PDGFRL: variants seen among roughly 807,000 people sequenced by gnomAD.
The protein encoded by PDGFRL is platelet-derived growth factor receptor-like protein.
PDGFRL carries 46 observed loss-of-function variants against 37.2 expected under a neutral mutation model. That is an observed-to-expected ratio of 1.24 (90% CI 0.98 to 1.58). PDGFRL has a LOEUF of 1.58. PDGFRL is among the 40% of genes most tolerant of loss of function. PDGFRL has a pLI of 0.00. For synonymous variants in PDGFRL, 251 were observed against 184.3 expected, an observed-to-expected ratio of 1.36 and a Z score of -2.93; for missense variants, 692 against 467.6, an observed-to-expected ratio of 1.48 and a Z score of -4.43.
At chr8:17,590,006 C>T (rs868229458) in intron 2 of PDGFRL, among the ~76,000 whole-genome samples, 10 of 151,346 alleles carry the variant, frequency 6.6e-5, no homozygotes, top group East Asian at 2.0e-4. Context: ...CCGAGGTGGG[C>T]GGATCACGAG....
At chr8:17,609,081 A>G (rs181636995) in intron 2 of PDGFRL, among the ~76,000 whole-genome samples, 39 of 152,284 alleles carry the variant, frequency 2.6e-4, no homozygotes, top group African/African-American at 8.9e-4. Context: ...TTTTAGCTGG[A>G]TATAGTGCTA....
chr8:17,606,894 G>GTTTTTTTTTT (rs1198809504), intron 2 of PDGFRL, among the ~76,000 whole-genome samples: 1 of 123,684 alleles, frequency 8.1e-6, no homozygotes, highest in Non-Finnish European at 1.7e-5. Context: ...TTGTTTTTTT[G>GTTTTTTTTTT]TTTTTTTTTT....
chr8:17,611,878 G>A (rs2588116), intron 2 of PDGFRL, among the ~76,000 whole-genome samples: 92,043 of 152,008 alleles, frequency 0.61, 28,106 homozygotes, highest in East Asian at 0.73. Context: ...AGTCAATGGT[G>A]ATAGCAGCCT....
chr8:17,604,350 G>A lies in PDGFRL; in HGVS notation c.353+14585G>A, dbSNP rs145178545. Among the ~76,000 whole-genome samples the A allele has an allele frequency of 6.6e-5, 10 of 152,222 alleles. No homozygotes were observed. The East Asian group carries it at 9.7e-4, about 15-fold the overall frequency. On this transcript the variant is annotated intron_variant, in intron 2 of 5. Coordinates refer to ENST00000251630, the MANE Select transcript of PDGFRL (RefSeq NM_001372073.1). ...GGAACCAACCTAAATATCCAACAGC[G>A]ATAGACTGGATTAAGAAAATGTGGC...
intron 1 of PDGFRL, among the ~76,000 whole-genome samples, chr8:17,579,349 G>A (rs1414383514): frequency 6.6e-6 from 1 of 152,008 alleles, no homozygotes; most frequent in East Asian, 1.9e-4. Flanking sequence ...GTTGTGAGTT[G>A]TGGCCAGGAG....
At chr8:17,630,774 A>G (rs1417793774) in intron 4 of PDGFRL, among the ~76,000 whole-genome samples, 1 of 152,186 alleles carries the variant, frequency 6.6e-6, no homozygotes, top group Non-Finnish European at 1.5e-5. Flanking sequence ...ATGGGAACAG[A>G]TAGTGACTCC....
chr8:17,642,697 AT>A lies in PDGFRL; in HGVS notation c.1026del (p.Thr343GlnfsTer26). 6.2e-7 allele frequency: 1 copy of A among 1,602,762 alleles called. No homozygotes were observed. The highest frequency in any genetic ancestry group is 2.2e-5 in the East Asian group (1 of 44,852). ...CACCACGAGAATCTCCCAGAGTGTC[AT>A]TACAGTGGAAGACTTTGAGACGATT... The part of the protein sequence containing the change: ...GHTTRISQSV[I>X]TVEDFETIDA... On this transcript the variant is annotated frameshift_variant, in exon 6 of 6. Coordinates refer to ENST00000251630, the MANE Select transcript of PDGFRL (RefSeq NM_001372073.1). LOFTEE classifies it high-confidence loss of function.
At chr8:17,592,989 A>G (rs954021840) in intron 2 of PDGFRL, among the ~76,000 whole-genome samples, 1 of 151,974 alleles carries the variant, frequency 6.6e-6, no homozygotes, top group Non-Finnish European at 1.5e-5. Flanking sequence ...ATAAAAATAG[A>G]CGTATAAGTG....
rs529267675 is a variant in PDGFRL at position 17,608,115 on chromosome 8, C to T, written c.354-12936C>T. 8.5e-5 allele frequency among the ~76,000 whole-genome samples: 13 copies of T among 152,292 alleles called. No homozygotes were observed. In the East Asian group the frequency reaches 1.9e-3, roughly 23 times the overall value. On this transcript the variant is annotated intron_variant, in intron 2 of 5. Coordinates refer to ENST00000251630, the MANE Select transcript of PDGFRL (RefSeq NM_001372073.1). ...GGCCTCAGGGGCCTGTCTCCTGCCT[C>T]GCTTGGTGCCTTCCTGCTCAAAGAC... is the stretch of plus-strand genomic sequence containing the variant.
At chr8:17,638,011 T>G (rs1457580053) in intron 5 of PDGFRL, among the ~76,000 whole-genome samples, 2 of 152,208 alleles carry the variant, frequency 1.3e-5, no homozygotes, top group Non-Finnish European at 2.9e-5. Flanking sequence ...AATCAGCTTT[T>G]TGTTTATCTT....
rs552457517 is a variant in PDGFRL, at chr8:17,637,754, T to C, written c.939+3541T>C. ...ACCATTTCAATCTCACTGCTTGTTA[T>C]TGGTCTGTTCAGAGTTTCTCTTTCT... On this transcript the variant is annotated intron_variant, in intron 5 of 5. Coordinates refer to ENST00000251630, the MANE Select transcript of PDGFRL (RefSeq NM_001372073.1). Among the ~76,000 whole-genome samples the C allele has an allele frequency of 4.5e-4, 68 of 152,312 alleles. 2 individuals carry two copies. The South Asian group carries it at 0.014, about 31-fold the overall frequency.
intron 1 of PDGFRL, among the ~76,000 whole-genome samples, chr8:17,588,851 C>T (rs1202063438): frequency 6.6e-6 from 1 of 152,084 alleles, no homozygotes. Flanking sequence ...TGTGTGACTG[C>T]TTGGAGACTA....
At chr8:17,635,597 T>C (rs1804956030) in intron 5 of PDGFRL, among the ~76,000 whole-genome samples, 2 of 152,324 alleles carry the variant, frequency 1.3e-5, no homozygotes, top group Middle Eastern at 3.4e-3. Flanking sequence ...TGTGTTCAAA[T>C]ATCTTTTTCA....
At chr8:17,578,991 A>T (rs1007728797) in intron 1 of PDGFRL, among the ~76,000 whole-genome samples, 2 of 152,070 alleles carry the variant, frequency 1.3e-5, no homozygotes, top group African/African-American at 4.8e-5. Context: ...CAAGGTCAGG[A>T]GTTCAAGACC....
intron 2 of PDGFRL, among the ~76,000 whole-genome samples, chr8:17,591,862 G>T (rs921586093): frequency 2.6e-4 from 40 of 152,286 alleles, no homozygotes; most frequent in African/African-American, 8.2e-4. Context: ...GTTGCAGTGA[G>T]CCGAGATCAG....
At chr8:17,598,510 G>T (rs908859071) in intron 2 of PDGFRL, among the ~76,000 whole-genome samples, 2 of 152,194 alleles carry the variant, frequency 1.3e-5, no homozygotes, top group African/African-American at 4.8e-5. Context: ...CATGTCAGAA[G>T]TCAGTTCTTA....
chr8:17,630,108 C>A (rs1250904578), intron 4 of PDGFRL, among the ~76,000 whole-genome samples: 1 of 152,166 alleles, frequency 6.6e-6, no homozygotes, highest in Non-Finnish European at 1.5e-5. Flanking sequence ...AGGGCATGGC[C>A]ATGAATCCCC....
At chr8:17,577,970 C>T (rs1422422822) in intron 1 of PDGFRL, among the ~76,000 whole-genome samples, 1 of 151,850 alleles carries the variant, frequency 6.6e-6, no homozygotes, top group East Asian at 2.0e-4. Flanking sequence ...ACCATGACCG[C>T]TGCGCGTTTT....
At chr8:17,623,333 T>A (rs1804668405) in intron 3 of PDGFRL, among the ~76,000 whole-genome samples, 1 of 152,226 alleles carries the variant, frequency 6.6e-6, no homozygotes, top group Non-Finnish European at 1.5e-5. Context: ...TCTCTTTGGA[T>A]CTTCATTTTG....
Sources: gnomAD v4.1 joint callset for allele counts (sites outside exome capture counted in the v4.1 genomes callset) on GRCh38, gnomAD v4.1.1 for gene constraint, MANE v1.5 for transcripts, NCBI Gene and HGNC (gene_info 2026-07-23, HGNC 2026-07-21) for gene names.